FBXO34: variants seen among roughly 807,000 people sequenced by gnomAD.
The protein encoded by FBXO34 is F-box only protein 34.
In FBXO34, 12 loss-of-function variants were observed where a neutral mutation model predicts 24.5. The ratio of observed to expected loss-of-function variants is 0.49; its 90% CI spans 0.31 to 0.79. The LOEUF is 0.79. Among genes scored for constraint, FBXO34 ranks in the 30% least tolerant of loss-of-function variants. The pLI is 0.04. For missense variants in FBXO34, 823 were observed against 857.7 expected (o/e 0.96, Z 0.51); for synonymous variants, 320 against 311.9 (o/e 1.03, Z -0.27).
chr14:55,379,623 GTAA>G, the FBXO34 span, among the ~76,000 whole-genome samples: 8 of 152,170 alleles, frequency 5.3e-5, no homozygotes, highest in Admixed American at 3.9e-4. Context: ...GGAGAAGATG[GTAA>G]TAATATGTTT....
chr14:55,380,755 G>A, the FBXO34 span: 3 of 1,039,156 alleles, frequency 2.9e-6, no homozygotes, highest in Non-Finnish European at 4.3e-6. Context: ...AATAATCCAC[G>A]AGTTTATCAT....
At chr14:55,425,542 T>C in the FBXO34 span, among the ~76,000 whole-genome samples, 2 of 152,254 alleles carry the variant, frequency 1.3e-5, no homozygotes, top group African/African-American at 4.8e-5. Context: ...TTATTTATTC[T>C]CTGCCTCATT....
chr14:55,315,793 A>G (rs1299385917), intron 1 of FBXO34, among the ~76,000 whole-genome samples: 1 of 152,220 alleles, frequency 6.6e-6, no homozygotes, highest in East Asian at 1.9e-4. Context: ...ACATTTCACA[A>G]TAATGTGCCT....
intron 1 of FBXO34, chr14:55,299,195 T>G (rs1436677317): frequency 2.1e-6 from 2 of 975,434 alleles, no homozygotes; most frequent in East Asian, 4.8e-5. Flanking sequence ...ATGTTCCCTC[T>G]ATAGCCCTAC....
At chr14:55,372,591 C>G (rs1379301207), downstream of FBXO34, among the ~76,000 whole-genome samples, 1 of 151,420 alleles carries the variant, frequency 6.6e-6, no homozygotes, top group Non-Finnish European at 1.5e-5. Flanking sequence ...TTCTTCCTCA[C>G]TCCTTCCCTT....
intron 1 of FBXO34, among the ~76,000 whole-genome samples, chr14:55,294,519 T>C (rs980184862): frequency 3.3e-5 from 5 of 152,142 alleles, no homozygotes; most frequent in African/African-American, 1.2e-4. Flanking sequence ...TCCCAGAGTG[T>C]TGGGATTATA....
At chr14:55,403,833 ATGTT>A in the FBXO34 span, among the ~76,000 whole-genome samples, 2 of 152,194 alleles carry the variant, frequency 1.3e-5, no homozygotes, top group South Asian at 4.1e-4. Flanking sequence ...TATTTCTACA[ATGTT>A]TGAGCTAAAC....
chr14:55,311,511 A>C (rs913283389), intron 1 of FBXO34, among the ~76,000 whole-genome samples: 1 of 152,282 alleles, frequency 6.6e-6, no homozygotes, highest in Middle Eastern at 3.4e-3. Context: ...TCTAAAGTCC[A>C]AGTCCAAAGT....
At chr14:55,402,663 C>T in the FBXO34 span, among the ~76,000 whole-genome samples, 1 of 150,994 alleles carries the variant, frequency 6.6e-6, no homozygotes, top group East Asian at 2.0e-4. Flanking sequence ...AAACCTGGTC[C>T]TTATCAGGAT....
intron 1 of FBXO34, among the ~76,000 whole-genome samples, chr14:55,289,773 C>G (rs938177705): frequency 5.9e-5 from 9 of 151,904 alleles, no homozygotes; most frequent in African/African-American, 1.9e-4. Flanking sequence ...GTCTCAAACT[C>G]CTGGACTCAA....
At chr14:55,311,327 T>C (rs1288384465) in intron 1 of FBXO34, among the ~76,000 whole-genome samples, 1 of 152,182 alleles carries the variant, frequency 6.6e-6, no homozygotes, top group African/African-American at 2.4e-5. Flanking sequence ...CTCTCTCCCT[T>C]GACATGTGGG....
the FBXO34 span, among the ~76,000 whole-genome samples, chr14:55,401,833 A>C: frequency 1.3e-5 from 2 of 152,170 alleles, no homozygotes; most frequent in Non-Finnish European, 2.9e-5. Flanking sequence ...CCAAGCTGAG[A>C]CCTGAGGGTG....
intron 1 of FBXO34, among the ~76,000 whole-genome samples, chr14:55,284,121 C>G (rs1162539740): frequency 6.6e-6 from 1 of 152,090 alleles, no homozygotes; most frequent in East Asian, 1.9e-4. Context: ...GCCTCAGCCT[C>G]TTGAGTAGCT....
chr14:55,315,336 A>G (rs995771177), intron 1 of FBXO34, among the ~76,000 whole-genome samples: 2 of 152,326 alleles, frequency 1.3e-5, no homozygotes, highest in East Asian at 1.9e-4. Flanking sequence ...TTATCTTCAT[A>G]TTCCTGAAGA....
Position 55,294,948 on chromosome 14 carries a change from C to T in FBXO34, c.-11+23411C>T, listed in dbSNP as rs58729410. On this transcript the variant is annotated intron_variant, in intron 1 of 1. Transcript: ENST00000313833. ...AAATATCATAGCTTAGCCTAGCCTACCTTAAACATTCTTAGAATATGAACA... is the reference window on the plus strand; with the variant it reads ...AAATATCATAGCTTAGCCTAGCCTATCTTAAACATTCTTAGAATATGAACA... 9.3e-3 allele frequency among the ~76,000 whole-genome samples: 1,421 copies of T among 152,280 alleles called. 32 individuals are homozygous for T. The highest frequency in any genetic ancestry group is 0.033 in the African/African-American group (1,372 of 41,556).
Position 55,352,407 on chromosome 14 carries a change from A to G in FBXO34, c.2017A>G (p.Lys673Glu). The G allele has an allele frequency of 6.2e-7, 1 of 1,614,234 alleles. No homozygotes were observed. Among genetic ancestry groups the G allele is most frequent in the Non-Finnish European group, 8.5e-7 (1 of 1,180,040 alleles). ...GYWMCCHRSQ[K>E]GFPGCKLGLH... is the part of the protein sequence containing the mutation. ...TTGGATGTGCTGCCACCGGTCTCAG[A>G]AAGGATTCCCTGGCTGTAAGCTGGG... Residue 673 changes from lysine (K) to glutamate (E), a missense_variant, in exon 2 of 2, where the codon AAA becomes GAA. Lys to Glu is a moderately conservative substitution (Grantham distance 56, BLOSUM62 1). Around this residue, in one of 2 missense-constraint regions of FBXO34, gnomAD observed 130 missense variants for 198.6 expected, o/e 0.65. Transcript: ENST00000313833.
At chr14:55,415,117 T>C in the FBXO34 span, among the ~76,000 whole-genome samples, 1 of 152,180 alleles carries the variant, frequency 6.6e-6, no homozygotes, top group East Asian at 1.9e-4. Flanking sequence ...ACACCACCAT[T>C]ACCTCCAGCT....
chr14:55,374,897 A>G (rs530828688), downstream of FBXO34, among the ~76,000 whole-genome samples: 158 of 152,252 alleles, frequency 1.0e-3, no homozygotes, highest in African/African-American at 3.6e-3. Context: ...TGTTTTAATT[A>G]CCTTTATGCT....
intron 1 of FBXO34, among the ~76,000 whole-genome samples, chr14:55,294,144 C>G (rs774360751): frequency 6.6e-6 from 1 of 152,034 alleles, no homozygotes; most frequent in Non-Finnish European, 1.5e-5. Flanking sequence ...AGCTTCCTTA[C>G]CCTAGTCTGT....
Sources: gnomAD v4.1 joint callset for allele counts (sites outside exome capture counted in the v4.1 genomes callset) on GRCh38, gnomAD v4.1.1 for gene constraint, gnomAD v4.1.1 regional missense constraint, MANE v1.5 for transcripts, NCBI Gene and HGNC (gene_info 2026-07-23, HGNC 2026-07-21) for gene names.